Variants in CAPN8 observed in about 807,000 individuals in gnomAD.
The protein encoded by CAPN8 is calpain-8.
In CAPN8, 87 loss-of-function variants were observed where a neutral mutation model predicts 80.9. The ratio of observed to expected loss-of-function variants is 1.07; its 90% CI spans 0.90 to 1.28. CAPN8 has a LOEUF of 1.28. CAPN8 is among the 50% of genes most tolerant of loss of function. The probability of loss-of-function intolerance (pLI) is 0.00; values close to 1 mark genes in which losing one functional copy is unlikely to be tolerated. For synonymous variants in CAPN8, 299 were observed against 273.8 expected (o/e 1.09, Z -0.91); for missense variants, 757 against 702.0 (o/e 1.08, Z -0.89).
intron 2 of CAPN8, among the ~76,000 whole-genome samples, chr1:223,630,503 A>AT (rs71572866): frequency 2.9e-3 from 428 of 146,820 alleles, no homozygotes; most frequent in African/African-American, 6.6e-3. Context: ...TGCCTGGTTA[A>AT]TTTTTTTTTT....
chr1:223,637,709 G>C (rs1657941285), intron 2 of CAPN8, among the ~76,000 whole-genome samples: 2 of 152,116 alleles, frequency 1.3e-5, no homozygotes, highest in Admixed American at 6.5e-5. Context: ...ACCATGTGCG[G>C]GGCCATCTGC....
chr1:223,645,207 G>A (rs1228447630), intron 2 of CAPN8, among the ~76,000 whole-genome samples: 12 of 152,120 alleles, frequency 7.9e-5, no homozygotes, highest in Admixed American at 5.9e-4. Context: ...GATGAAGGCC[G>A]GAAGACTCGG....
chr1:223,661,775 G>A (rs1247949418), intron 1 of CAPN8, among the ~76,000 whole-genome samples: 6 of 152,148 alleles, frequency 3.9e-5, no homozygotes, highest in South Asian at 2.1e-4. Flanking sequence ...AAACTTGAAC[G>A]TAGAACTGCC....
At chr1:223,662,852 T>G (rs4653523) in intron 1 of CAPN8, among the ~76,000 whole-genome samples, 4 of 152,094 alleles carry the variant, frequency 2.6e-5, no homozygotes, top group Non-Finnish European at 4.4e-5. Flanking sequence ...ATGTTCCTCA[T>G]AGAGATAGGA....
At chr1:223,663,278 A>C (rs894298441) in intron 1 of CAPN8, among the ~76,000 whole-genome samples, 2 of 152,196 alleles carry the variant, frequency 1.3e-5, no homozygotes, top group Admixed American at 1.3e-4. Flanking sequence ...CAAAGAAAGG[A>C]GAAAAACTAA....
chr1:223,544,510 GC>G (rs1294602353), intron 18 of CAPN8, among the ~76,000 whole-genome samples: 1 of 152,164 alleles, frequency 6.6e-6, no homozygotes, highest in East Asian at 1.9e-4. Flanking sequence ...CTCCTTCATA[GC>G]CCCTTCCTCT....
rs370578473 is a variant in CAPN8 at position 223,641,629 on chromosome 1, C to A, written c.307+12701G>T. 6.9e-4 allele frequency among the ~76,000 whole-genome samples: 105 copies of A among 152,262 alleles called. No homozygotes were observed. In the East Asian group the frequency reaches 0.012, roughly 17 times the overall value. On this transcript the variant is annotated intron_variant, in intron 2 of 20. Coordinates refer to ENST00000366872, the MANE Select transcript of CAPN8 (RefSeq NM_001143962.2). The stretch of plus-strand genomic sequence containing the variant: ...GCCCTGCGTGATCTGGCCACTGCCT[C>A]CCTCTCCACTCTCAGCCTTTGCACT...
chr1:223,632,067 G>C (rs1297988485), intron 2 of CAPN8, among the ~76,000 whole-genome samples: 1 of 152,132 alleles, frequency 6.6e-6, no homozygotes, highest in East Asian at 1.9e-4. Flanking sequence ...CCCAGCTGGA[G>C]GAGAGTTTAA....
At chr1:223,549,522 C>T in intron 15 of CAPN8, 140 bp from the exon 16 acceptor site, 2 of 1,319,892 alleles carry the variant, frequency 1.5e-6, no homozygotes, top group Non-Finnish European at 2.1e-6. Context: ...GGGAGAGCAT[C>T]ATGGCAGGCT....
At chr1:223,611,846 C>T (rs1230066599) in intron 11 of CAPN8, among the ~76,000 whole-genome samples, 3 of 152,188 alleles carry the variant, frequency 2.0e-5, no homozygotes, top group Non-Finnish European at 4.4e-5. Flanking sequence ...TCATGGCTAG[C>T]CAAGCTTGAA....
intron 2 of CAPN8, among the ~76,000 whole-genome samples, chr1:223,637,980 A>G (rs1657947834): frequency 6.6e-6 from 1 of 152,208 alleles, no homozygotes; most frequent in African/African-American, 2.4e-5. Flanking sequence ...CTTACTTGTA[A>G]CAAGCGAAAT....
chr1:223,638,683 C>T (rs1657972490), intron 2 of CAPN8, among the ~76,000 whole-genome samples: 1 of 152,090 alleles, frequency 6.6e-6, no homozygotes, highest in Non-Finnish European at 1.5e-5. Flanking sequence ...GCTCTGTGGT[C>T]CCTACTCTCC....
chr1:223,619,462 G>C lies in CAPN8; in HGVS notation c.975-9C>G, dbSNP rs770102905. The C allele has an allele frequency of 6.4e-7, 1 of 1,551,478 alleles. No homozygotes were observed. The highest frequency in any genetic ancestry group is 1.2e-5 in the South Asian group (1 of 84,056). On this transcript the variant is annotated splice_polypyrimidine_tract_variant and intron_variant, in intron 8 of 20. Coordinates refer to ENST00000366872, the MANE Select transcript of CAPN8 (RefSeq NM_001143962.2). ...AATCTGAAAGTGACATCCTGGGGCA[G>C]AGGCACCAGAGGGCTCTCAGTGAAG...
chr1:223,614,387 G>T (rs891553462), intron 10 of CAPN8, among the ~76,000 whole-genome samples: 1 of 145,788 alleles, frequency 6.9e-6, no homozygotes, highest in African/African-American at 2.6e-5. Flanking sequence ...GCGACATAGT[G>T]AGAGTCCGTC....
chr1:223,620,696 G>A (rs1657362094), intron 7 of CAPN8, among the ~76,000 whole-genome samples: 1 of 152,152 alleles, frequency 6.6e-6, no homozygotes, highest in South Asian at 2.1e-4. Flanking sequence ...CAGCAGTCTA[G>A]GGTGAATATG....
intron 3 of CAPN8, 122 bp downstream of exon 3, chr1:223,628,540 T>C: frequency 1.4e-6 from 1 of 727,674 alleles, no homozygotes; most frequent in Non-Finnish European, 2.3e-6. Flanking sequence ...CAGAGTCACC[T>C]AGAGGGATTA....
chr1:223,639,578 T>C (rs891736840), intron 2 of CAPN8, among the ~76,000 whole-genome samples: 1 of 152,270 alleles, frequency 6.6e-6, no homozygotes, highest in Non-Finnish European at 1.5e-5. Context: ...GTCTTTCCAC[T>C]GTAATCAATC....
intron 10 of CAPN8, among the ~76,000 whole-genome samples, chr1:223,613,504 G>C (rs1271726238): frequency 6.6e-6 from 1 of 152,180 alleles, no homozygotes; most frequent in African/African-American, 2.4e-5. Context: ...TCACCCAGCA[G>C]AAACTGAGCC....
intron 12 of CAPN8, among the ~76,000 whole-genome samples, chr1:223,558,742 G>A (rs1656959487): frequency 6.6e-6 from 1 of 151,610 alleles, no homozygotes; most frequent in African/African-American, 2.4e-5. Flanking sequence ...TGTGATGTGT[G>A]TGGTGTGCAC....
Sources: gnomAD v4.1 joint callset for allele counts (sites outside exome capture counted in the v4.1 genomes callset) on GRCh38, gnomAD v4.1.1 for gene constraint, MANE v1.5 for transcripts, NCBI Gene and HGNC (gene_info 2026-07-23, HGNC 2026-07-21) for gene names.